The following LRP1B variants were observed in gnomAD, a reference collection of about 807,000 sequenced individuals.
The protein encoded by LRP1B is LDL receptor related protein 1B.
In LRP1B, 217 loss-of-function variants were observed where a neutral mutation model predicts 556.6. The ratio of observed to expected loss-of-function variants is 0.39; its 90% confidence interval spans 0.35 to 0.44. The LOEUF (loss-of-function observed/expected upper bound fraction) is 0.44, where lower values mean the gene tolerates loss of function less well. Among genes scored for constraint, LRP1B ranks in the 20% least tolerant of loss-of-function variants. The pLI is 1.00. For synonymous variants in LRP1B, 2,047 were observed against 1,865.8 expected, an observed-to-expected ratio of 1.10 and a Z score of -2.50; for missense variants, 5,053 against 5,620.8, an observed-to-expected ratio of 0.90 and a Z score of 3.23.
intron 32 of LRP1B, among the ~76,000 whole-genome samples, chr2:140,783,810 G>C (rs1689786207): frequency 6.6e-6 from 1 of 152,168 alleles, no homozygotes; most frequent in African/African-American, 2.4e-5. Context: ...CCTGGTGAAA[G>C]ATTAGAAATT....
intron 7 of LRP1B, among the ~76,000 whole-genome samples, chr2:141,177,858 TAG>T (rs1377134582): frequency 1.3e-5 from 2 of 152,120 alleles, no homozygotes; most frequent in Admixed American, 6.6e-5. Context: ...CTCAATTAAA[TAG>T]AGTTAGCCTT....
chr2:141,826,319 T>C (rs1453472251), intron 1 of LRP1B, among the ~76,000 whole-genome samples: 1 of 151,258 alleles, frequency 6.6e-6, no homozygotes, highest in Non-Finnish European at 1.5e-5. Flanking sequence ...AAGGATATGA[T>C]AGACCATTAT....
At chr2:141,857,512 A>AAT (rs1012330992) in intron 1 of LRP1B, among the ~76,000 whole-genome samples, 1 of 151,188 alleles carries the variant, frequency 6.6e-6, no homozygotes, top group Admixed American at 6.6e-5. Context: ...TAAAAAAAAA[A>AAT]TTTTTGTAGA....
chr2:140,724,258 G>T (rs1040256579), intron 35 of LRP1B, among the ~76,000 whole-genome samples: 4 of 152,156 alleles, frequency 2.6e-5, no homozygotes, highest in African/African-American at 4.8e-5. Context: ...GCCAAGAAGG[G>T]AGGATTGCTT....
intron 2 of LRP1B, among the ~76,000 whole-genome samples, chr2:141,614,080 C>CAGAAAA (rs1553543025): frequency 9.7e-4 from 46 of 47,352 alleles, no homozygotes; most frequent in Middle Eastern, 0.026. Context: ...AACTCAGCCT[C>CAGAAAA]AAAAAAAAAA....
chr2:141,663,932 A>AC (rs1236098299), intron 2 of LRP1B, among the ~76,000 whole-genome samples: 1 of 151,340 alleles, frequency 6.6e-6, no homozygotes, highest in African/African-American at 2.4e-5. Flanking sequence ...AAAAAAAAAA[A>AC]AAAACAAAAA....
intron 18 of LRP1B, among the ~76,000 whole-genome samples, chr2:140,962,022 C>G (rs563961897): frequency 6.6e-6 from 1 of 152,180 alleles, no homozygotes; most frequent in South Asian, 2.1e-4. Context: ...GTTGTAAGCA[C>G]CTATGTATTA....
chr2:141,662,985 GTC>G (rs1690282674), intron 2 of LRP1B, among the ~76,000 whole-genome samples: 1 of 151,764 alleles, frequency 6.6e-6, no homozygotes, highest in Non-Finnish European at 1.5e-5. Flanking sequence ...AATAATAACA[GTC>G]TCTTAGACCA....
At chr2:141,183,950 G>C (rs1330928673) in intron 7 of LRP1B, among the ~76,000 whole-genome samples, 2 of 151,926 alleles carry the variant, frequency 1.3e-5, no homozygotes, top group African/African-American at 2.4e-5. Flanking sequence ...TTTGCAACAA[G>C]TTCACACTCA....
intron 43 of LRP1B, 47 bp downstream of exon 43, chr2:140,598,584 T>G (rs183949254): frequency 7.2e-7 from 1 of 1,391,850 alleles, no homozygotes; most frequent in African/African-American, 1.4e-5. Context: ...ATGTTTTAAA[T>G]ATATCATTGT....
intron 1 of LRP1B, among the ~76,000 whole-genome samples, chr2:141,942,705 C>G (rs1700847511): frequency 6.6e-6 from 1 of 152,026 alleles, no homozygotes; most frequent in South Asian, 2.1e-4. Flanking sequence ...CAGCAGTTTC[C>G]AAAACAGTGT....
intron 3 of LRP1B, among the ~76,000 whole-genome samples, chr2:141,307,830 G>A (rs1415644347): frequency 6.6e-6 from 1 of 152,148 alleles, no homozygotes; most frequent in East Asian, 1.9e-4. Flanking sequence ...GCTGGCATTG[G>A]CAGCAGTGGG....
At chr2:141,524,652 TAG>T (rs1453945180) in intron 2 of LRP1B, among the ~76,000 whole-genome samples, 5 of 152,146 alleles carry the variant, frequency 3.3e-5, no homozygotes, top group Middle Eastern at 3.4e-3. Flanking sequence ...TGGCCCAGGG[TAG>T]CCAAAAGATT....
chr2:140,306,230 A>T (rs1684059311), intron 83 of LRP1B, among the ~76,000 whole-genome samples: 1 of 151,928 alleles, frequency 6.6e-6, no homozygotes, highest in African/African-American at 2.4e-5. Context: ...AAGGAATAGT[A>T]CCAGCTCCTC....
At chr2:141,428,125 T>C (rs1030366877) in intron 3 of LRP1B, among the ~76,000 whole-genome samples, 8 of 152,216 alleles carry the variant, frequency 5.3e-5, no homozygotes, top group African/African-American at 1.9e-4. Context: ...CATTTTTTTA[T>C]GGTTTTGTTT....
Position 140,442,585 on chromosome 2 carries a change from T to A in LRP1B, c.10333A>T (p.Thr3445Ser), listed in dbSNP as rs1236732696. ...AGCTTGGAAATGCAATGCTTCGTAG[T>A]CTTACACTGGAAATAGTCTGGAGAA... ...SCSPDYFQCK[T>S]TKHCISKLWV... is the part of the protein sequence containing the mutation. Residue 3445 changes from threonine (T) to serine (S), a missense_variant, in exon 66 of 91, where the codon ACT (threonine) becomes TCT (serine). Physicochemically the swap from Thr to Ser is moderately conservative, Grantham distance 58. Coordinates refer to ENST00000389484, the MANE Select transcript of LRP1B (RefSeq NM_018557.3). 1 of 1,613,970 alleles carries A rather than the reference T, an allele frequency of 6.2e-7. No individual in the cohort carries two copies.
chr2:141,225,316 A>C (rs563556698), intron 6 of LRP1B, among the ~76,000 whole-genome samples: 1 of 152,286 alleles, frequency 6.6e-6, no homozygotes, highest in East Asian at 1.9e-4. Context: ...AGACAATGAA[A>C]GTGTTTACTG....
At chr2:141,998,581 G>C (rs769383317) in intron 1 of LRP1B, among the ~76,000 whole-genome samples, 103 of 152,300 alleles carry the variant, frequency 6.8e-4, no homozygotes, top group African/African-American at 2.4e-3. Flanking sequence ...ATTTTGCCAA[G>C]GTAATGGACG....
intron 7 of LRP1B, among the ~76,000 whole-genome samples, chr2:141,117,374 T>C (rs1700932632): frequency 6.6e-6 from 1 of 151,994 alleles, no homozygotes; most frequent in African/African-American, 2.4e-5. Flanking sequence ...AGTACTGTAG[T>C]CTTTAAACAT....
Sources: allele counts gnomAD v4.1 joint callset (sites outside exome capture counted in the v4.1 genomes callset), GRCh38; gene constraint gnomAD v4.1.1; transcripts MANE v1.5; gene names NCBI Gene and HGNC (gene_info 2026-07-23, HGNC 2026-07-21).